Variants in ADGRD2 observed in about 807,000 individuals in gnomAD.
ADGRD2 encodes adhesion G protein-coupled receptor D2.
Under a neutral mutation model 44.4 loss-of-function variants are expected in ADGRD2, and 71 were observed. That is an observed-to-expected ratio of 1.60 (90% CI 1.32 to 1.95). The LOEUF is 1.95. Among genes scored for constraint, ADGRD2 ranks in the 30% most tolerant of loss-of-function variants. The probability of loss-of-function intolerance (pLI) is 0.00; values close to 1 mark genes in which losing one functional copy is unlikely to be tolerated. For synonymous variants in ADGRD2, 481 were observed against 224.8 expected (o/e 2.14, Z -10.19); for missense variants, 1,039 against 512.4 (o/e 2.03, Z -9.92).
At chr9:124,455,051 T>G in exon 6 of ADGRD2, 1 of 718,220 alleles carries the variant, frequency 1.4e-6, no homozygotes. Flanking sequence ...TGGGAGCAGC[T>G]GAGCCAAGGC....
Position 124,453,075 on chromosome 9 carries a change from G to A in ADGRD2, c.324G>A (p.Thr108=), listed in dbSNP as rs7861854. The change falls in exon 3 of 22, where the codon ACG becomes ACA. Residue 108 remains threonine, a synonymous_variant. Transcript: ENST00000334810. ...CCGTGCTGGTGTTCGACGAGAGGAC[G>A]GCTGACCGGGCGGCGCGGCTGCGGA... 3,873 of 681,690 alleles carry A rather than the reference G, an allele frequency of 5.7e-3. 100 individuals are homozygous for A. The African/African-American group carries it at 0.062, about 11-fold the overall frequency. 42.2% of individuals were successfully genotyped at this position (681,690 alleles called of 1,614,324 possible). A position where few individuals can be genotyped will look rare whatever the true frequency, so the allele number is the denominator to read the frequency against.
intron 19 of ADGRD2, among the ~76,000 whole-genome samples, chr9:124,475,838 C>T (rs1260256491): frequency 3.9e-5 from 6 of 152,264 alleles, no homozygotes; most frequent in African/African-American, 9.6e-5. Context: ...GTGGGAGTGC[C>T]GCCCAGTGCC....
chr9:124,472,806 C>G (rs1050946110), intron 17 of ADGRD2, among the ~76,000 whole-genome samples: 1 of 152,242 alleles, frequency 6.6e-6, no homozygotes, highest in South Asian at 2.1e-4. Context: ...CCGCACCCAG[C>G]CCTCTGACAC....
At chr9:124,458,487 G>A (rs888937357) in intron 9 of ADGRD2, 129 bp from the exon 13 acceptor site, 2 of 630,380 alleles carry the variant, frequency 3.2e-6, no homozygotes, top group Admixed American at 2.6e-5. Context: ...TGAACCAGGT[G>A]CCACAATTCC....
At chr9:124,451,095 A>G (rs114739506), upstream of ADGRD2, 665 of 472,292 alleles carry the variant, frequency 1.4e-3, 5 homozygotes, top group African/African-American at 0.012. Context: ...GAGGCAGTCC[A>G]GGCAGGAGGG....
chr9:124,453,708 TG>T, intron 3 of ADGRD2, 32 bp downstream of exon 6: 1 of 281,076 alleles, frequency 3.6e-6, no homozygotes, highest in Non-Finnish European at 6.7e-6. Flanking sequence ...CCCCACCCCA[TG>T]GCCCCGAATC....
intron 10 of ADGRD2, among the ~76,000 whole-genome samples, chr9:124,462,271 G>A (rs1831736562): frequency 6.6e-6 from 1 of 151,162 alleles, no homozygotes; most frequent in Non-Finnish European, 1.5e-5. Flanking sequence ...ATTTTTCCAT[G>A]TTGCCCAGGC....
chr9:124,452,893 G>A (rs1831517321), intron 2 of ADGRD2, 142 bp from the exon 6 acceptor site: 2 of 604,140 alleles, frequency 3.3e-6, no homozygotes. Flanking sequence ...TTGGGCAGGG[G>A]AACTCTAGCC....
At chr9:124,451,318 T>A (rs1831463314), upstream of ADGRD2, 2 of 436,260 alleles carry the variant, frequency 4.6e-6, no homozygotes, top group Admixed American at 4.9e-5. Context: ...CCCTGAGCTC[T>A]GTTTCGCCCC....
chr9:124,470,025 C>T (rs1347533126), intron 16 of ADGRD2, among the ~76,000 whole-genome samples: 1 of 152,158 alleles, frequency 6.6e-6, no homozygotes, highest in Non-Finnish European at 1.5e-5. Flanking sequence ...AGGGACCCCA[C>T]CGGCCTTTCC....
chr9:124,455,825 T>C (rs1301269347), intron 6 of ADGRD2, among the ~76,000 whole-genome samples: 5 of 152,120 alleles, frequency 3.3e-5, no homozygotes. Flanking sequence ...CTGGTGGAAG[T>C]GGCTGTCGGC....
intron 6 of ADGRD2, among the ~76,000 whole-genome samples, chr9:124,456,246 C>G (rs1369407493): frequency 1.3e-5 from 2 of 152,242 alleles, no homozygotes; most frequent in African/African-American, 2.4e-5. Context: ...CCTCTCCTCC[C>G]TCCCCTGCTC....
chr9:124,476,577 G>A (rs1832053892), intron 20 of ADGRD2, 102 bp from the exon 24 acceptor site: 1 of 639,590 alleles, frequency 1.6e-6, no homozygotes, highest in Non-Finnish European at 2.8e-6. Flanking sequence ...AGGGGGAGCT[G>A]CTGGCGGCAA....
chr9:124,477,116 A>G, intron 21 of ADGRD2: 1 of 487,458 alleles, frequency 2.1e-6, no homozygotes, highest in Non-Finnish European at 4.2e-6. Context: ...TAGGATCCAG[A>G]GCCTTCCAAA....
At position 124,454,882 on chromosome 9, in the gene ADGRD2, TC is replaced by T; in HGVS notation, c.1152del (p.Pro385GlnfsTer34). On this transcript the variant is annotated frameshift_variant, in exon 6 of 22. Transcript: ENST00000334810. LOFTEE classifies it high-confidence loss of function. This position sits in a 1 kb window ranked among gnomAD's most constrained non-coding sequence, Gnocchi z 4.5. ...CCTCTCCGAAGTCCATGGGGCCCTG[TC>T]CCCAGCGGAGGCCTCCAGCTTCCTG... is the stretch of plus-strand genomic sequence containing the variant. 2 of 711,710 alleles carry T rather than the reference TC, an allele frequency of 2.8e-6. No individual in the cohort carries two copies. The allele number at this position is 711,710 out of a possible 1,614,324, so 44.1% of individuals were successfully genotyped here. A position where few individuals can be genotyped will look rare whatever the true frequency, so the allele number is the denominator to read the frequency against.
intron 2 of ADGRD2, 50 bp from the exon 6 acceptor site, chr9:124,452,985 C>A (rs1178746862): frequency 1.6e-6 from 1 of 621,016 alleles, no homozygotes; most frequent in Non-Finnish European, 2.9e-6. Flanking sequence ...AGGGGCAGGA[C>A]CATGTGCACA....
chr9:124,451,359 C>A (rs1564135904), upstream of ADGRD2: 2 of 395,298 alleles, frequency 5.1e-6, no homozygotes, highest in Admixed American at 2.8e-5. Context: ...CTGCCTCCCC[C>A]TCTCCCAGCT....
exon 3 of ADGRD2, chr9:124,453,581 C>G (rs1279291197): frequency 1.4e-6 from 1 of 699,564 alleles, no homozygotes; most frequent in Non-Finnish European, 2.6e-6. Context: ...GCCTGCGCGC[C>G]GCCCTCAGAG....
rs762451099 is a variant in ADGRD2, at chr9:124,475,686, CTCCTT to C, written c.2845+73_2845+77del. The C allele has an allele frequency of 8.5e-6, 5 of 585,958 alleles. No homozygotes were observed. In the South Asian group the frequency reaches 1.0e-4, roughly 12 times the overall value. 36.3% of individuals were successfully genotyped at this position (585,958 alleles called of 1,614,324 possible). A position where few individuals can be genotyped will look rare whatever the true frequency, so the allele number is the denominator to read the frequency against. ...AGCCAGGTCCCAGCCCCCATATCCTCTCCTTTAAGTCCCGTGCCAGCCCTGCCAGC... is the reference window on the plus strand; with the variant it reads ...AGCCAGGTCCCAGCCCCCATATCCTCTAAGTCCCGTGCCAGCCCTGCCAGC... On this transcript the variant is annotated intron_variant, in intron 19 of 21. Transcript: ENST00000334810.
Sources: allele counts gnomAD v4.1 joint callset (sites outside exome capture counted in the v4.1 genomes callset), GRCh38; gene constraint gnomAD v4.1.1; non-coding constraint Gnocchi (gnomAD v3.1); transcripts MANE v1.5; gene names NCBI Gene and HGNC (gene_info 2026-07-23, HGNC 2026-07-21).